The following WDR70 variants were observed in gnomAD, a reference collection of about 807,000 sequenced individuals.
WDR70 encodes WD repeat domain 70.
Under a neutral mutation model 88.6 loss-of-function variants are expected in WDR70, and 53 were observed. That is an observed-to-expected ratio of 0.60 (90% confidence interval 0.48 to 0.75). The LOEUF is 0.75. Among genes scored for constraint, WDR70 ranks in the 30% least tolerant of loss-of-function variants. WDR70 has a pLI of 0.00. For missense variants in WDR70, 610 were observed against 823.2 expected, an observed-to-expected ratio of 0.74 and a Z score of 3.17; for synonymous variants, 280 against 270.0, an observed-to-expected ratio of 1.04 and a Z score of -0.36.
At chr5:37,437,448 T>C (rs913923257) in intron 5 of WDR70, among the ~76,000 whole-genome samples, 1 of 152,156 alleles carries the variant, frequency 6.6e-6, no homozygotes, top group Non-Finnish European at 1.5e-5. Flanking sequence ...TCTGTAATTA[T>C]TATTTTATAC....
At chr5:37,469,803 C>G (rs1313559489) in intron 7 of WDR70, among the ~76,000 whole-genome samples, 2 of 152,174 alleles carry the variant, frequency 1.3e-5, no homozygotes, top group African/African-American at 4.8e-5. Flanking sequence ...TTTAACAAAT[C>G]TCTAAGTAAA....
At chr5:37,726,708 C>G (rs117646343) in intron 16 of WDR70, among the ~76,000 whole-genome samples, 175 bp from the exon 17 acceptor site, 1 of 152,102 alleles carries the variant, frequency 6.6e-6, no homozygotes, top group Non-Finnish European at 1.5e-5. Flanking sequence ...AAAGTGCTAT[C>G]GGGAAGTTGA....
intron 3 of WDR70, among the ~76,000 whole-genome samples, chr5:37,385,866 C>T (rs1179017994): frequency 6.6e-6 from 1 of 151,982 alleles, no homozygotes; most frequent in Non-Finnish European, 1.5e-5. Context: ...TGCAGTGGTG[C>T]GATCTCGACT....
intron 10 of WDR70, among the ~76,000 whole-genome samples, chr5:37,686,121 A>ATTTT (rs1746588295): frequency 6.6e-6 from 1 of 151,784 alleles, no homozygotes; most frequent in Non-Finnish European, 1.5e-5. Context: ...TGGGCGACAA[A>ATTTT]GTGAGACCAC....
rs553257069 is a variant in WDR70, at chr5:37,676,704, T to G, written c.1093-20951T>G. 1.0e-3 allele frequency among the ~76,000 whole-genome samples: 154 copies of G among 151,816 alleles called. 4 individuals carry two copies. The East Asian group carries it at 0.026, about 26-fold the overall frequency. ...ATTGGTCTAAAATTCTCTTTTTTGG[T>G]TGTGTCTCTGCCAGGCTTTGGTATC... On this transcript the variant is annotated intron_variant, in intron 10 of 17. Transcript: ENST00000265107.
chr5:37,746,694 A>G (rs1748647205), intron 17 of WDR70, among the ~76,000 whole-genome samples: 1 of 152,218 alleles, frequency 6.6e-6, no homozygotes, highest in Non-Finnish European at 1.5e-5. Context: ...TCCTGGACAC[A>G]TACACCCTCC....
intron 10 of WDR70, among the ~76,000 whole-genome samples, chr5:37,663,741 C>T (rs1310798081): frequency 1.3e-5 from 2 of 152,128 alleles, no homozygotes; most frequent in African/African-American, 4.8e-5. Context: ...TGTGGTCTCT[C>T]AGCCTCCTTC....
intron 8 of WDR70, among the ~76,000 whole-genome samples, chr5:37,484,976 A>G (rs1446478900): frequency 6.6e-6 from 1 of 152,208 alleles, no homozygotes; most frequent in Non-Finnish European, 1.5e-5. Context: ...GATAGTATAG[A>G]TAAACATACC....
At chr5:37,409,751 C>T (rs1749465454) in intron 5 of WDR70, among the ~76,000 whole-genome samples, 1 of 152,046 alleles carries the variant, frequency 6.6e-6, no homozygotes, top group Non-Finnish European at 1.5e-5. Context: ...GGTGATCCAC[C>T]CACCTCGGCC....
At chr5:37,506,213 C>T (rs1740555946) in intron 8 of WDR70, 5 of 979,914 alleles carry the variant, frequency 5.1e-6, no homozygotes, top group Non-Finnish European at 8.3e-6. Flanking sequence ...ACAGTTCTGA[C>T]TTGGTTGGAG....
chr5:37,417,007 G>A (rs1448371900), intron 5 of WDR70, among the ~76,000 whole-genome samples: 1 of 152,074 alleles, frequency 6.6e-6, no homozygotes, highest in Admixed American at 6.6e-5. Context: ...TCCTCTCAAG[G>A]GTTGTTTCTG....
intron 3 of WDR70, among the ~76,000 whole-genome samples, chr5:37,385,765 T>C (rs1748591716): frequency 6.6e-6 from 1 of 151,794 alleles, no homozygotes; most frequent in Non-Finnish European, 1.5e-5. Context: ...TCCAAGGGTT[T>C]CAGAAGCTCT....
At chr5:37,663,336 A>G (rs887006917) in intron 10 of WDR70, among the ~76,000 whole-genome samples, 7 of 152,192 alleles carry the variant, frequency 4.6e-5, no homozygotes, top group Admixed American at 1.3e-4. Flanking sequence ...TGATTTCTGT[A>G]ATACATATTT....
chr5:37,735,747 A>G (rs2910798), intron 17 of WDR70, among the ~76,000 whole-genome samples: 120,364 of 152,146 alleles, frequency 0.79, 52,686 homozygotes, highest in East Asian at 1. Flanking sequence ...CGTAAAGGTC[A>G]CTGTAATTGA....
Position 37,747,213 on chromosome 5 carries a change from A to T in WDR70, c.1878-5273A>T, listed in dbSNP as rs145661255. Among the ~76,000 whole-genome samples the T allele has an allele frequency of 9.1e-3, 1,381 of 152,332 alleles. 74 individuals are homozygous for T. The highest frequency in any genetic ancestry group is 0.084 in the Admixed American group (1,284 of 15,290). ...AAAAAAACAAAAAAGTGGGCAAAAC[A>T]TATCAACAGACACTTCTCAAAAGAA... On this transcript the variant is annotated intron_variant, in intron 17 of 17. Coordinates refer to ENST00000265107, the MANE Select transcript of WDR70 (RefSeq NM_018034.4).
intron 10 of WDR70, among the ~76,000 whole-genome samples, chr5:37,645,428 C>G (rs901801040): frequency 1.3e-5 from 2 of 151,742 alleles, no homozygotes; most frequent in Non-Finnish European, 3.0e-5. Context: ...CATGAGCTAA[C>G]AAAAAGCATA....
intron 8 of WDR70, among the ~76,000 whole-genome samples, chr5:37,493,967 C>T (rs1740143223): frequency 6.6e-6 from 1 of 151,822 alleles, no homozygotes; most frequent in East Asian, 1.9e-4. Context: ...TACAGGTGCC[C>T]ACCACCATGC....
At chr5:37,390,993 A>G (rs958566826) in intron 3 of WDR70, among the ~76,000 whole-genome samples, 5 of 152,086 alleles carry the variant, frequency 3.3e-5, no homozygotes, top group South Asian at 2.1e-4. Flanking sequence ...TGGGATTACA[A>G]GCATGAGCCA....
chr5:37,628,890 T>C (rs1267611622), intron 10 of WDR70, among the ~76,000 whole-genome samples: 2 of 152,212 alleles, frequency 1.3e-5, no homozygotes, highest in African/African-American at 4.8e-5. Context: ...CATGTTTTCA[T>C]GATGGTAGCT....
Sources: allele counts gnomAD v4.1 joint callset (sites outside exome capture counted in the v4.1 genomes callset), GRCh38; gene constraint gnomAD v4.1.1; transcripts MANE v1.5; gene names NCBI Gene and HGNC (gene_info 2026-07-23, HGNC 2026-07-21).